The following PDE4D variants were observed in gnomAD, a reference collection of about 807,000 sequenced individuals.
The protein encoded by PDE4D is phosphodiesterase 4D.
PDE4D carries 24 observed loss-of-function variants against 87.4 expected under a neutral mutation model. The observed-to-expected ratio is 0.27, with a 90% CI of 0.20 to 0.39. The LOEUF (loss-of-function observed/expected upper bound fraction) is 0.39, where lower values mean the gene tolerates loss of function less well. PDE4D is among the 10% of genes least tolerant of loss of function. The pLI, the probability that PDE4D is intolerant of heterozygous loss-of-function variation, is 1.00. For synonymous variants in PDE4D, 384 were observed against 383.2 expected, an observed-to-expected ratio of 1.00 and a Z score of -0.02; for missense variants, 714 against 1,041.0, an observed-to-expected ratio of 0.69 and a Z score of 4.32.
chr5:59,881,996 C>T (rs895412913), intron 1 of PDE4D, among the ~76,000 whole-genome samples: 53 of 152,252 alleles, frequency 3.5e-4, no homozygotes, highest in East Asian at 1.9e-4. Flanking sequence ...TAATTCAACA[C>T]AAAGTTTGGC....
intron 1 of PDE4D, among the ~76,000 whole-genome samples, chr5:60,419,353 G>A (rs1742894455): frequency 6.6e-6 from 1 of 151,762 alleles, no homozygotes; most frequent in Non-Finnish European, 1.5e-5. Flanking sequence ...ATGTCATTAA[G>A]TAGAAAAAAG....
At chr5:60,235,176 T>C (rs1254492813) in intron 1 of PDE4D, among the ~76,000 whole-genome samples, 1 of 151,916 alleles carries the variant, frequency 6.6e-6, no homozygotes, top group Non-Finnish European at 1.5e-5. Flanking sequence ...AAGTGCTCCT[T>C]AGAGGGTTAA....
chr5:60,274,394 C>A (rs1374033332), intron 1 of PDE4D, among the ~76,000 whole-genome samples: 1 of 152,004 alleles, frequency 6.6e-6, no homozygotes, highest in East Asian at 1.9e-4. Context: ...TGCTCTGCTA[C>A]CCAGGCTGGA....
intron 1 of PDE4D, among the ~76,000 whole-genome samples, chr5:59,737,831 C>T (rs1405287298): frequency 6.6e-6 from 1 of 152,030 alleles, no homozygotes; most frequent in Non-Finnish European, 1.5e-5. Context: ...TAGTTATGCA[C>T]ATTCACATAC....
chr5:59,110,932 G>T (rs1772518034), intron 5 of PDE4D, among the ~76,000 whole-genome samples: 1 of 152,138 alleles, frequency 6.6e-6, no homozygotes, highest in South Asian at 2.1e-4. Context: ...CTAGTAAATG[G>T]CAGGGCTGGG....
At chr5:60,429,786 A>G in intron 1 of PDE4D, 1 of 302,290 alleles carries the variant, frequency 3.3e-6, no homozygotes, top group South Asian at 3.0e-5. Flanking sequence ...ATATGTTGAA[A>G]TCAGTCTTGC....
chr5:59,485,460 T>C (rs1804971973), intron 1 of PDE4D, among the ~76,000 whole-genome samples: 2 of 152,158 alleles, frequency 1.3e-5, no homozygotes, highest in South Asian at 2.1e-4. Context: ...AAAGTCTGGA[T>C]TGAATTTTGT....
chr5:59,151,374 C>T (rs1285544664), intron 5 of PDE4D, among the ~76,000 whole-genome samples: 2 of 152,150 alleles, frequency 1.3e-5, no homozygotes, highest in Admixed American at 6.5e-5. Context: ...CAAAGTACTA[C>T]ATTACATCTC....
intron 2 of PDE4D, among the ~76,000 whole-genome samples, chr5:60,177,815 A>C (rs1784053685): frequency 6.6e-6 from 1 of 152,178 alleles, no homozygotes; most frequent in Non-Finnish European, 1.5e-5. Flanking sequence ...CATTCACCCA[A>C]AGTCATGTAA....
At chr5:59,298,074 A>C (rs780951874) in intron 1 of PDE4D, among the ~76,000 whole-genome samples, 6 of 151,514 alleles carry the variant, frequency 4.0e-5, no homozygotes, top group Non-Finnish European at 5.9e-5. Context: ...CACAACAAAA[A>C]TATGATAGCA....
At chr5:59,602,355 C>A (rs893608511) in intron 1 of PDE4D, among the ~76,000 whole-genome samples, 3 of 151,906 alleles carry the variant, frequency 2.0e-5, no homozygotes, top group African/African-American at 7.2e-5. Flanking sequence ...CTTTAAGATC[C>A]AGAGCAAGAA....
At chr5:59,877,135 G>A (rs928679670) in intron 1 of PDE4D, among the ~76,000 whole-genome samples, 3 of 152,034 alleles carry the variant, frequency 2.0e-5, no homozygotes, top group Non-Finnish European at 4.4e-5. Flanking sequence ...GTCAGGTGTG[G>A]GTCTTAAGAA....
chr5:60,488,075 T>C (rs370986800), exon 1 of PDE4D: 1 of 152,754 alleles, frequency 6.5e-6, no homozygotes, highest in African/African-American at 2.4e-5. Context: ...GGACTCGTGC[T>C]TCTCGTACGC....
At chr5:59,961,239 T>C (rs183259720) in intron 3 of PDE4D, among the ~76,000 whole-genome samples, 6 of 151,702 alleles carry the variant, frequency 4.0e-5, no homozygotes, top group African/African-American at 1.5e-4. Context: ...AGTCCAATGA[T>C]TTATGATTTC....
rs748902932 is a variant in PDE4D at position 59,563,108 on chromosome 5, G to A, written c.455+330060C>T. 8.5e-5 allele frequency among the ~76,000 whole-genome samples: 13 copies of A among 152,322 alleles called. No individual in the cohort carries two copies. The East Asian group carries it at 1.2e-3, about 14-fold the overall frequency. ...TGCCACAGGGCTCCAAGCTGGCAGG[G>A]CCCCTCTGGGCATTGCCAGGTCACC... On this transcript the variant is annotated intron_variant, in intron 1 of 14. Transcript: ENST00000340635.
intron 1 of PDE4D, among the ~76,000 whole-genome samples, chr5:59,767,893 G>A (rs1299095188): frequency 6.6e-6 from 1 of 152,140 alleles, no homozygotes; most frequent in Admixed American, 6.5e-5. Flanking sequence ...CTCAGCTGTT[G>A]GGGAAGCTGG....
intron 1 of PDE4D, among the ~76,000 whole-genome samples, chr5:60,402,331 T>C (rs1350000694): frequency 2.0e-5 from 3 of 152,220 alleles, no homozygotes; most frequent in Non-Finnish European, 4.4e-5. Flanking sequence ...TTCTTTCCTC[T>C]CTGAGTTGCA....
At chr5:59,289,664 T>C (rs1005045046) in intron 1 of PDE4D, among the ~76,000 whole-genome samples, 2 of 151,946 alleles carry the variant, frequency 1.3e-5, no homozygotes, top group African/African-American at 4.8e-5. Flanking sequence ...TAGTATTCAA[T>C]ATATTAATAA....
chr5:58,990,806 GA>G lies in PDE4D; in HGVS notation c.1284del (p.Gln429ArgfsTer6). 6.5e-6 allele frequency: 10 copies of G among 1,547,880 alleles called. No homozygotes were observed. The highest frequency in any genetic ancestry group is 1.8e-5 in the Admixed American group (1 of 57,108). The stretch of plus-strand genomic sequence containing the variant: ...GTAATAGAACTCAACCACCTTACCT[GA>G]AAAATGGTGTGCATGATAACAGTCA... ...RPLTVIMHTI[F>X]QERDLLKTFK... On this transcript the variant is annotated frameshift_variant, in exon 9 of 15. Transcript: ENST00000340635. LOFTEE classifies it high-confidence loss of function.
Sources: allele counts gnomAD v4.1 joint callset (sites outside exome capture counted in the v4.1 genomes callset), GRCh38; gene constraint gnomAD v4.1.1; transcripts MANE v1.5; gene names NCBI Gene and HGNC (gene_info 2026-07-23, HGNC 2026-07-21).